Variants in AZIN2 observed in about 807,000 individuals in gnomAD.
The protein encoded by AZIN2 is ODC antizyme inhibitor-2.
A neutral mutation model predicts 47.8 loss-of-function variants in AZIN2; 28 were observed. The observed-to-expected ratio is 0.59, with a 90% confidence interval of 0.43 to 0.80. The LOEUF (loss-of-function observed/expected upper bound fraction) is 0.80. Ranked by LOEUF, AZIN2 falls within the 30% of genes least tolerant of loss-of-function variation. The pLI is 0.00. For missense variants in AZIN2, 535 were observed against 582.5 expected (o/e 0.92, Z 0.84); for synonymous variants, 221 against 239.4 (o/e 0.92, Z 0.71).
the AZIN2 span, among the ~76,000 whole-genome samples, chr1:33,153,251 G>C: frequency 6.6e-6 from 1 of 152,158 alleles, no homozygotes; most frequent in African/African-American, 2.4e-5. Context: ...GACTTCACAG[G>C]CCCCACAGAC....
chr1:33,155,058 A>T, the AZIN2 span, among the ~76,000 whole-genome samples: 3 of 139,824 alleles, frequency 2.1e-5, no homozygotes, highest in African/African-American at 7.8e-5. Context: ...GCGCCACTGC[A>T]CTCCAGCCTG....
Position 33,084,045 on chromosome 1 carries a change from T to C in AZIN2, c.197T>C (p.Phe66Ser), listed in dbSNP as rs1361428969. 1.2e-6 allele frequency: 2 copies of C among 1,614,010 alleles called. No individual in the cohort carries two copies. Among genetic ancestry groups the C allele is most frequent in the Non-Finnish European group, 1.7e-6 (2 of 1,180,038 alleles). The change falls in exon 5 of 12, where the codon TTT becomes TCT. Residue 66 changes from phenylalanine (F) to serine (S), a missense_variant. Phe to Ser is a radical substitution (Grantham distance 155). Around this residue, in one of 3 missense-constraint regions of AZIN2, gnomAD observed 409 missense variants for 429.0 expected, o/e 0.95. Transcript: ENST00000294517. Reference protein sequence around the residue: ...FLKCLPRVRPFYAVKCNSSPG... With the variant: ...FLKCLPRVRPSYAVKCNSSPG... ...AAGTGCCTGCCACGAGTCCGGCCCT[T>C]TTATGCTGTCAAGTGCAACAGCAGC... is the stretch of plus-strand genomic sequence containing the variant.
the AZIN2 span, among the ~76,000 whole-genome samples, chr1:33,134,575 A>G: frequency 6.6e-6 from 1 of 151,970 alleles, no homozygotes; most frequent in African/African-American, 2.4e-5. Context: ...GGACCCATGG[A>G]AAGAAAGACC....
chr1:33,138,641 A>G, the AZIN2 span, among the ~76,000 whole-genome samples: 9 of 100,750 alleles, frequency 8.9e-5, no homozygotes, highest in Non-Finnish European at 1.5e-4. Flanking sequence ...AAAAAAAAAA[A>G]AAAAGAAAAG....
At chr1:33,126,303 G>A (rs187751902), downstream of AZIN2, among the ~76,000 whole-genome samples, 4 of 152,142 alleles carry the variant, frequency 2.6e-5, no homozygotes, top group African/African-American at 9.6e-5. Context: ...TTCCATCTCC[G>A]GGCTTTCATG....
At chr1:33,163,965 A>G in the AZIN2 span, 2 of 152,706 alleles carry the variant, frequency 1.3e-5, no homozygotes, top group Non-Finnish European at 2.9e-5. Context: ...GGAGAAAAAC[A>G]AAGAGGGTGT....
chr1:33,091,843 G>A (rs1442247968), intron 5 of AZIN2, among the ~76,000 whole-genome samples: 3 of 152,142 alleles, frequency 2.0e-5, no homozygotes, highest in African/African-American at 7.2e-5. Context: ...TGTACCACCC[G>A]CATGGCTGTA....
the AZIN2 span, chr1:33,147,081 G>T: frequency 7.1e-7 from 1 of 1,401,218 alleles, no homozygotes; most frequent in Non-Finnish European, 9.8e-7. The surrounding 1 kb of genome is among the most constrained non-coding windows in gnomAD (Gnocchi z 8.1). Context: ...GGTCTCCAGT[G>T]GCCACGGTGG....
the AZIN2 span, chr1:33,145,777 C>A: frequency 2.2e-6 from 1 of 449,502 alleles, no homozygotes; most frequent in Non-Finnish European, 4.6e-6. Flanking sequence ...ATGTGGACTC[C>A]ACCCTCTCCC....
chr1:33,166,363 G>C, the AZIN2 span: 2 of 146,176 alleles, frequency 1.4e-5, no homozygotes, highest in Non-Finnish European at 3.0e-5. Flanking sequence ...TGGAAAAATT[G>C]TCTTCCATGA....
rs1641346973 is a variant in AZIN2 at position 33,082,197 on chromosome 1, G to A, written c.-53G>A. 2 of 1,478,636 alleles carry A rather than the reference G, an allele frequency of 1.4e-6. No individual in the cohort carries two copies. The allele number at this position is 1,478,636 out of a possible 1,614,324, so 91.6% of individuals were successfully genotyped here. ...CCGCAGTGTGTTGCATACTTTCTAA[G>A]GCGGCGGCTGCAGCAGCGGCTCCAT... On this transcript the variant is annotated 5_prime_UTR_variant, in exon 4 of 12. Transcript: ENST00000294517.
chr1:33,166,199 GCTCAGGGCTCCCA>G, the AZIN2 span: 2 of 152,352 alleles, frequency 1.3e-5, no homozygotes, highest in Admixed American at 1.3e-4. Flanking sequence ...GGAAAAACAA[GCTCAGGGCTCCCA>G]CTGATCCTAC....
At chr1:33,091,949 C>T (rs1345796608) in intron 5 of AZIN2, 101 bp from the exon 6 acceptor site, 1 of 1,277,266 alleles carries the variant, frequency 7.8e-7, no homozygotes. Context: ...TTATGGGCCT[C>T]CCTATGCATA....
intron 10 of AZIN2, among the ~76,000 whole-genome samples, chr1:33,117,564 C>T (rs1302995911): frequency 6.6e-6 from 1 of 152,238 alleles, no homozygotes; most frequent in African/African-American, 2.4e-5. Context: ...TCTCCATACA[C>T]TAACTCATTT....
chr1:33,133,066 A>G, the AZIN2 span, among the ~76,000 whole-genome samples: 1 of 152,218 alleles, frequency 6.6e-6, no homozygotes, highest in Non-Finnish European at 1.5e-5. Flanking sequence ...CGGAGGCCCC[A>G]TCAGGCCCAG....
chr1:33,152,817 C>T, the AZIN2 span, among the ~76,000 whole-genome samples: 1 of 152,086 alleles, frequency 6.6e-6, no homozygotes. Flanking sequence ...TGTGCCGGGA[C>T]TCAAAATGAC....
the AZIN2 span, among the ~76,000 whole-genome samples, chr1:33,166,630 C>T: frequency 6.6e-6 from 1 of 152,140 alleles, no homozygotes; most frequent in Non-Finnish European, 1.5e-5. Flanking sequence ...TACAGATAAA[C>T]ATATAATGGT....
chr1:33,098,031 C>G (rs771056790), intron 9 of AZIN2, 36 bp from the exon 10 acceptor site: 2 of 1,514,474 alleles, frequency 1.3e-6, no homozygotes, highest in Non-Finnish European at 1.8e-6. Flanking sequence ...CCTCACATTG[C>G]TACTTGTGCT....
intron 5 of AZIN2, among the ~76,000 whole-genome samples, chr1:33,086,457 G>A (rs1050095228): frequency 6.6e-6 from 1 of 152,292 alleles, no homozygotes; most frequent in African/African-American, 2.4e-5. Flanking sequence ...TCCCTGTGAT[G>A]GGATCATGCA....
Sources: gnomAD v4.1 joint callset for allele counts (sites outside exome capture counted in the v4.1 genomes callset) on GRCh38, gnomAD v4.1.1 for gene constraint, gnomAD v4.1.1 regional missense constraint, Gnocchi (gnomAD v3.1) non-coding constraint, MANE v1.5 for transcripts, NCBI Gene and HGNC (gene_info 2026-07-23, HGNC 2026-07-21) for gene names.